The following SLC1A6 variants were observed in gnomAD, a reference collection of about 807,000 sequenced individuals.
The protein encoded by SLC1A6 is solute carrier family 1 member 6.
In SLC1A6, 15 loss-of-function variants were observed where a neutral mutation model predicts 42.1. That is an observed-to-expected ratio of 0.36 (90% CI 0.24 to 0.55). The LOEUF is 0.55. Ranked by LOEUF, SLC1A6 falls within the 20% of genes least tolerant of loss-of-function variation. SLC1A6 has a pLI of 0.88. For missense variants in SLC1A6, 542 were observed against 772.5 expected, an observed-to-expected ratio of 0.70 and a Z score of 3.54; for synonymous variants, 317 against 319.7, an observed-to-expected ratio of 0.99 and a Z score of 0.09.
intron 1 of SLC1A6, among the ~76,000 whole-genome samples, chr19:14,995,049 G>A (rs1258477664): frequency 1.3e-5 from 2 of 152,140 alleles, no homozygotes; most frequent in Non-Finnish European, 2.9e-5. Flanking sequence ...GAGTGGCCGA[G>A]TGTGGTGGCT....
intron 6 of SLC1A6, chr19:14,961,550 AG>A (rs1176017112): frequency 1.3e-4 from 21 of 158,524 alleles, no homozygotes; most frequent in African/African-American, 4.6e-4. Flanking sequence ...TGAATGAATG[AG>A]TTAGTGAGTT....
chr19:15,004,553 A>AAAAAAAG (rs60251760), intron 1 of SLC1A6, among the ~76,000 whole-genome samples: 3 of 150,826 alleles, frequency 2.0e-5, no homozygotes, highest in African/African-American at 2.4e-5. Flanking sequence ...AAAAAAAAAA[A>AAAAAAAG]GTCAATTGTG....
intron 1 of SLC1A6, among the ~76,000 whole-genome samples, chr19:15,007,669 G>A (rs2045902257): frequency 6.6e-6 from 1 of 152,132 alleles, no homozygotes; most frequent in African/African-American, 2.4e-5. Context: ...GAGGATACAA[G>A]ACTAGCATGC....
intron 1 of SLC1A6, among the ~76,000 whole-genome samples, chr19:14,999,158 G>A (rs1407219462): frequency 3.3e-5 from 5 of 152,056 alleles, no homozygotes; most frequent in African/African-American, 9.7e-5. Flanking sequence ...GATTACAGGC[G>A]TGAGCCACCA....
upstream of SLC1A6, among the ~76,000 whole-genome samples, chr19:14,980,703 T>C (rs2145223933): frequency 6.6e-6 from 1 of 151,904 alleles, no homozygotes; most frequent in Middle Eastern, 3.4e-3. Context: ...TTTATTATTG[T>C]TGTTGTTGTT....
chr19:14,975,896 A>AGGGGGAAGGGAAGGG (rs1568294752), intron 1 of SLC1A6, among the ~76,000 whole-genome samples: 1 of 84,292 alleles, frequency 1.2e-5, no homozygotes, highest in African/African-American at 4.9e-5. Flanking sequence ...GAAGGGAAGG[A>AGGGGGAAGGGAAGGG]AAGGGAAGGG....
intron 6 of SLC1A6, among the ~76,000 whole-genome samples, chr19:14,957,213 A>G (rs1274673268): frequency 6.6e-6 from 1 of 151,974 alleles, no homozygotes; most frequent in Non-Finnish European, 1.5e-5. Context: ...TCCCTCTCAA[A>G]CCACTTGTCC....
intron 9 of SLC1A6, 31 bp from the exon 10 acceptor site, chr19:14,950,421 A>G (rs1157244607): frequency 6.7e-7 from 1 of 1,488,906 alleles, no homozygotes; most frequent in East Asian, 2.4e-5. Flanking sequence ...GCTGCCATTA[A>G]TGGGGGCTTG....
intron 1 of SLC1A6, among the ~76,000 whole-genome samples, chr19:15,007,550 TC>T (rs2045901580): frequency 7.8e-6 from 1 of 127,594 alleles, no homozygotes; most frequent in East Asian, 2.8e-4. Context: ...AAATTTCATC[TC>T]ACAAAAAAAA....
intron 1 of SLC1A6, among the ~76,000 whole-genome samples, chr19:14,996,539 TC>T (rs2045847571): frequency 7.1e-6 from 1 of 141,410 alleles, no homozygotes. Context: ...TTCTTCTTCT[TC>T]TTCTTCTTCT....
At chr19:14,998,773 C>T (rs1007560166) in intron 1 of SLC1A6, among the ~76,000 whole-genome samples, 4 of 152,158 alleles carry the variant, frequency 2.6e-5, no homozygotes, top group Non-Finnish European at 5.9e-5. Flanking sequence ...CTTTTTGGAG[C>T]ATCCCTTCTC....
intron 3 of SLC1A6, among the ~76,000 whole-genome samples, chr19:14,970,697 C>T (rs541717574): frequency 7.8e-4 from 115 of 147,678 alleles, no homozygotes; most frequent in Middle Eastern, 7.5e-3. Context: ...GGCAACGGAG[C>T]GACACTCTGT....
chr19:14,986,101 A>ATTTTT (rs34189680), intron 1 of SLC1A6, among the ~76,000 whole-genome samples: 4 of 145,856 alleles, frequency 2.7e-5, no homozygotes, highest in Non-Finnish European at 3.0e-5. Flanking sequence ...ACAAGCAGTA[A>ATTTTT]TTTTTTTTTT....
chr19:14,992,887 C>T (rs1335793282), intron 1 of SLC1A6, among the ~76,000 whole-genome samples: 1 of 152,128 alleles, frequency 6.6e-6, no homozygotes. Flanking sequence ...GGAATTGAGG[C>T]TAATTCCTCT....
chr19:14,962,398 C>G, intron 5 of SLC1A6, 53 bp from the exon 6 acceptor site: 1 of 1,374,246 alleles, frequency 7.3e-7, no homozygotes, highest in Non-Finnish European at 1.0e-6. Flanking sequence ...GCATTAGAAT[C>G]GCCTGGAGAA....
At chr19:14,963,128 AAGG>A (rs1446491552) in intron 5 of SLC1A6, among the ~76,000 whole-genome samples, 1 of 152,226 alleles carries the variant, frequency 6.6e-6, no homozygotes, top group Admixed American at 6.5e-5. Context: ...AGCCTTGAAA[AAGG>A]AGGGGATCCT....
chr19:14,965,302 A>G (rs545221342), intron 4 of SLC1A6, among the ~76,000 whole-genome samples: 4 of 152,298 alleles, frequency 2.6e-5, no homozygotes, highest in South Asian at 4.1e-4. Context: ...TACAGGCGTG[A>G]GCCACTGCGC....
intron 2 of SLC1A6, 80 bp from the exon 3 acceptor site, chr19:14,971,954 T>C: frequency 6.8e-7 from 1 of 1,468,358 alleles, no homozygotes; most frequent in East Asian, 2.3e-5. Context: ...CCAAGAAGGG[T>C]AGGGCAAGGG....
At chr19:14,991,971 G>A (rs2045822632) in intron 1 of SLC1A6, among the ~76,000 whole-genome samples, 1 of 152,036 alleles carries the variant, frequency 6.6e-6, no homozygotes, top group Non-Finnish European at 1.5e-5. Context: ...GATTACAGGT[G>A]CCTACCACCA....
Sources: gnomAD v4.1 joint callset for allele counts (sites outside exome capture counted in the v4.1 genomes callset) on GRCh38, gnomAD v4.1.1 for gene constraint, MANE v1.5 for transcripts, NCBI Gene and HGNC (gene_info 2026-07-23, HGNC 2026-07-21) for gene names.